Variants in KCNQ1 observed in about 807,000 individuals in gnomAD.
KCNQ1 encodes potassium voltage-gated channel subfamily Q member 1.
In KCNQ1, 49 loss-of-function variants were observed where a neutral mutation model predicts 72.4. The ratio of observed to expected loss-of-function variants is 0.68; its 90% CI spans 0.54 to 0.86. The LOEUF (loss-of-function observed/expected upper bound fraction) is 0.86, where lower values mean the gene tolerates loss of function less well. Among genes scored for constraint, KCNQ1 ranks in the 40% least tolerant of loss-of-function variants. The probability of loss-of-function intolerance (pLI) is 0.00; values close to 1 mark genes in which losing one functional copy is unlikely to be tolerated. For synonymous variants in KCNQ1, 450 were observed against 412.6 expected, an observed-to-expected ratio of 1.09 and a Z score of -1.10; for missense variants, 790 against 945.1, an observed-to-expected ratio of 0.84 and a Z score of 2.15.
At chr11:2,561,325 G>A (rs555187203) in intron 2 of KCNQ1, among the ~76,000 whole-genome samples, 9 of 152,298 alleles carry the variant, frequency 5.9e-5, no homozygotes, top group Admixed American at 3.3e-4. Context: ...GGGCCAGCAC[G>A]GGACGGGGCG....
At chr11:2,791,938 G>A (rs958131175) in intron 15 of KCNQ1, among the ~76,000 whole-genome samples, 1 of 152,224 alleles carries the variant, frequency 6.6e-6, no homozygotes, top group South Asian at 2.1e-4. Flanking sequence ...ACTTTGCCGC[G>A]CGAACAGCCT....
chr11:2,779,284 CG>C (rs573787294), intron 15 of KCNQ1, among the ~76,000 whole-genome samples: 1 of 152,342 alleles, frequency 6.6e-6, no homozygotes, highest in South Asian at 2.1e-4. Context: ...CCGGGGAACA[CG>C]GTGTTTCCCT....
rs1443145802 is a variant in KCNQ1 at position 2,827,850 on chromosome 11, G to A, written c.1795-19917G>A. On this transcript the variant is annotated intron_variant, in intron 15 of 15. Transcript: ENST00000155840. This position sits in a 1 kb window ranked among gnomAD's most constrained non-coding sequence, Gnocchi z 6.7. ...TTTCCGGAATGAAGAGGAAGGGGCG[G>A]GCAGAAGGCAGCGAGAGCTTTGTTT... Among the ~76,000 whole-genome samples, 1 of 152,152 alleles carries A rather than the reference G, an allele frequency of 6.6e-6. No homozygotes were observed. The highest frequency in any genetic ancestry group is 1.5e-5 in the Non-Finnish European group (1 of 68,022).
Position 2,620,796 on chromosome 11 carries a change from T to A in KCNQ1, c.1393+31942T>A. On this transcript the variant is annotated intron_variant, in intron 10 of 15. Transcript: ENST00000155840. The surrounding 1 kb of genome is among the most constrained non-coding windows in gnomAD (Gnocchi z 4.5). ...TTAGCACAGTGGCTGAACTAATTTG[T>A]ATTCCTGCCAACAGTGTATAAGCGT... is the stretch of plus-strand genomic sequence containing the variant. The A allele has an allele frequency of 2.5e-6, 1 of 398,612 alleles. No homozygotes were observed. Among genetic ancestry groups the A allele is most frequent in the East Asian group, 3.6e-5 (1 of 28,068 alleles). 24.7% of individuals were successfully genotyped at this position (398,612 alleles called of 1,614,324 possible).
At position 2,650,205 on chromosome 11, in the gene KCNQ1, T is replaced by C. The variant is rs1849735667; in HGVS notation, c.1394-11756T>C. 7.5e-6 allele frequency: 3 copies of C among 398,464 alleles called. No homozygotes were observed. The East Asian group carries it at 1.1e-4, about 14-fold the overall frequency. 24.7% of individuals were successfully genotyped at this position (398,464 alleles called of 1,614,324 possible). ...TAATGAATTGTTTTCCTGATATGTT[T>C]GTATTGTCTATTTGTGTTCTCTTGT... On this transcript the variant is annotated intron_variant, in intron 10 of 15. Transcript: ENST00000155840.
At chr11:2,528,599 C>T (rs1847551767) in intron 2 of KCNQ1, among the ~76,000 whole-genome samples, 1 of 152,238 alleles carries the variant, frequency 6.6e-6, no homozygotes, top group Non-Finnish European at 1.5e-5. Context: ...TGCAGGGGGC[C>T]AGCTGTGTCT....
Position 2,683,144 on chromosome 11 carries a change from C to T in KCNQ1, c.1514+21063C>T. ...CAACTCAGGAGGGTGTGGGGATGGG[C>T]TAGCATTAGGAATGGGTATTAGCAT... On this transcript the variant is annotated intron_variant, in intron 11 of 15. Coordinates refer to ENST00000155840, the MANE Select transcript of KCNQ1 (RefSeq NM_000218.3). This position sits in a 1 kb window ranked among gnomAD's most constrained non-coding sequence, Gnocchi z 4.7. 2 of 398,566 alleles carry T rather than the reference C, an allele frequency of 5.0e-6. No individual in the cohort carries two copies. The highest frequency in any genetic ancestry group is 8.8e-6 in the Non-Finnish European group (2 of 226,088). 24.7% of individuals were successfully genotyped at this position (398,566 alleles called of 1,614,324 possible).
In KCNQ1 at chr11:2,579,611, G is replaced by T. The variant is rs1848470152; in HGVS notation, c.922-3824G>T. Among the ~76,000 whole-genome samples the T allele has an allele frequency of 6.6e-6, 1 of 152,234 alleles. No homozygotes were observed. The highest frequency in any genetic ancestry group is 2.4e-5 in the African/African-American group (1 of 41,456). Reference sequence around the variant, plus strand: ...TTTCCTTGTTAACTTGAGGATGAGGGTCTGGGGCCGGGTCTGGGCAGACAG... The same window carrying T: ...TTTCCTTGTTAACTTGAGGATGAGGTTCTGGGGCCGGGTCTGGGCAGACAG... On this transcript the variant is annotated intron_variant, in intron 6 of 15. Transcript: ENST00000155840. This position sits in a 1 kb window ranked among gnomAD's most constrained non-coding sequence, Gnocchi z 6.0.
In KCNQ1 at chr11:2,462,783, G is replaced by A. The variant is rs536161040; in HGVS notation, c.386+17299G>A. Among the ~76,000 whole-genome samples, 3 of 152,302 alleles carry A rather than the reference G, an allele frequency of 2.0e-5. No individual in the cohort carries two copies. The highest frequency in any genetic ancestry group is 7.2e-5 in the African/African-American group (3 of 41,568). The stretch of plus-strand genomic sequence containing the variant: ...AAAGAGGGTGCCGGGGGCAGGGAAG[G>A]CCTGGAGGTTTGAGGAGCAGAAAGT... On this transcript the variant is annotated intron_variant, in intron 1 of 15. Transcript: ENST00000155840. The surrounding 1 kb of genome is among the most constrained non-coding windows in gnomAD (Gnocchi z 8.2).
At chr11:2,582,332 C>T (rs1188380923) in intron 6 of KCNQ1, among the ~76,000 whole-genome samples, 1 of 152,208 alleles carries the variant, frequency 6.6e-6, no homozygotes. Flanking sequence ...GGCCCAGGGA[C>T]CCTGGTCTCG....
chr11:2,653,334 T>C lies in KCNQ1; in HGVS notation c.1394-8627T>C, dbSNP rs1392920983. The C allele has an allele frequency of 3.8e-5, 15 of 398,588 alleles. No individual in the cohort carries two copies. The highest frequency in any genetic ancestry group is 6.2e-5 in the Non-Finnish European group (14 of 226,134). 24.7% of individuals were successfully genotyped at this position (398,588 alleles called of 1,614,324 possible). A position where few individuals can be genotyped will look rare whatever the true frequency, so the allele number is the denominator to read the frequency against. On this transcript the variant is annotated intron_variant, in intron 10 of 15. Transcript: ENST00000155840. This position sits in a 1 kb window ranked among gnomAD's most constrained non-coding sequence, Gnocchi z 5.3. The stretch of plus-strand genomic sequence containing the variant: ...GTAACCTTGACTGCCCCCAGGCCCA[T>C]GTCCGTAGGCTCACACCTCACCCCC...
intron 10 of KCNQ1, chr11:2,629,352 A>C: frequency 2.5e-6 from 1 of 398,320 alleles, no homozygotes. Flanking sequence ...CAATTTCTCT[A>C]TTTTTTATTT....
intron 15 of KCNQ1, among the ~76,000 whole-genome samples, chr11:2,844,876 CAGTT>C (rs1366271466): frequency 6.6e-6 from 1 of 152,230 alleles, no homozygotes; most frequent in African/African-American, 2.4e-5. Flanking sequence ...GGGGCCTGCA[CAGTT>C]AGTGACAGTA....
chr11:2,681,335 G>A (rs1032660679), intron 11 of KCNQ1: 43 of 398,322 alleles, frequency 1.1e-4, no homozygotes, highest in East Asian at 2.1e-4. Context: ...AACTGTGACC[G>A]TCTTTTCCTT....
At chr11:2,615,616 G>T (rs1210019478) in intron 10 of KCNQ1, 15 of 397,824 alleles carry the variant, frequency 3.8e-5, no homozygotes, top group Admixed American at 2.2e-4. Flanking sequence ...TCAAATGCTT[G>T]TTCTGAGTGA....
chr11:2,455,374 G>T (rs1017865893), intron 1 of KCNQ1, among the ~76,000 whole-genome samples: 3 of 152,134 alleles, frequency 2.0e-5, no homozygotes, highest in African/African-American at 7.2e-5. Context: ...CTGGGATTCA[G>T]GCTTGAGCCA....
intron 11 of KCNQ1, among the ~76,000 whole-genome samples, chr11:2,709,144 G>C (rs1045197418): frequency 3.3e-5 from 5 of 152,074 alleles, no homozygotes; most frequent in African/African-American, 7.2e-5. Flanking sequence ...GTTGTGGCAC[G>C]GGGTCTGTTT....
chr11:2,791,896 C>T (rs1847033110), intron 15 of KCNQ1, among the ~76,000 whole-genome samples: 2 of 152,256 alleles, frequency 1.3e-5, no homozygotes, highest in Admixed American at 1.3e-4. Flanking sequence ...GCTGACGCGG[C>T]GCACGGCCGT....
At chr11:2,656,711 G>A (rs1849855739) in intron 10 of KCNQ1, 2 of 398,290 alleles carry the variant, frequency 5.0e-6, no homozygotes, top group Admixed American at 4.4e-5. Flanking sequence ...TTTGATGATT[G>A]GGTCTTAACT....
Sources: gnomAD v4.1 joint callset for allele counts (sites outside exome capture counted in the v4.1 genomes callset) on GRCh38, gnomAD v4.1.1 for gene constraint, Gnocchi (gnomAD v3.1) non-coding constraint, MANE v1.5 for transcripts, NCBI Gene and HGNC (gene_info 2026-07-23, HGNC 2026-07-21) for gene names.